Variants in ANOS1 observed in about 807,000 individuals in gnomAD.
ANOS1 encodes the protein anosmin-1.
ANOS1 carries 6 observed loss-of-function variants against 59.0 expected under a neutral mutation model. The observed-to-expected ratio is 0.10, with a 90% CI of 0.06 to 0.20. The LOEUF is 0.20. ANOS1 is among the 10% of genes least tolerant of loss of function. ANOS1 has a pLI of 1.00. For synonymous variants in ANOS1, 217 were observed against 223.4 expected, an observed-to-expected ratio of 0.97 and a Z score of 0.25; for missense variants, 433 against 542.3, an observed-to-expected ratio of 0.80 and a Z score of 2.00.
At chrX:8,666,931 C>A (rs1932151094) in intron 2 of ANOS1, among the ~76,000 whole-genome samples, 1 of 111,912 alleles carries the variant, frequency 8.9e-6, no homozygotes, top group South Asian at 3.7e-4. Flanking sequence ...GAAACTGCCC[C>A]AAACAAATAC....
chrX:8,566,029 C>T, intron 8 of ANOS1: 1 of 754,605 alleles, frequency 1.3e-6, no homozygotes, highest in Non-Finnish European at 1.6e-6. Context: ...GAGTTCTCTG[C>T]CCATGCAATG....
In ANOS1 at chrX:8,587,734, G is replaced by A. The variant is rs1053945433; in HGVS notation, c.726+60C>T. 5.3e-6 allele frequency: 5 copies of A among 950,397 alleles called. No individual in the cohort carries two copies. The Admixed American group carries it at 7.8e-5, about 15-fold the overall frequency. The allele number at this position is 950,397 out of a possible 1,213,427, so 78.3% of individuals were successfully genotyped here. On this transcript the variant is annotated intron_variant, in intron 5 of 13. Transcript: ENST00000262648. ...GGCATAGCAAGTTAATTTTTTGTGC[G>A]TAGCTATGTAGCAGACACTACCTCC...
intron 5 of ANOS1, among the ~76,000 whole-genome samples, chrX:8,586,954 GAA>G (rs745385907): frequency 7.0e-4 from 64 of 91,382 alleles, no homozygotes; most frequent in African/African-American, 2.3e-3. Flanking sequence ...TACATTTACT[GAA>G]AAAAAAAAAA....
chrX:8,541,438 AAAT>A (rs1929687553), intron 9 of ANOS1, among the ~76,000 whole-genome samples: 1 of 99,386 alleles, frequency 1.0e-5, no homozygotes, highest in Non-Finnish European at 2.1e-5. Flanking sequence ...AAAAACAAAA[AAAT>A]AAAACAAAAA....
Position 8,694,848 on chromosome X carries a change from T to C in ANOS1, c.255+4850A>G, listed in dbSNP as rs896959618. On this transcript the variant is annotated intron_variant, in intron 2 of 13. Coordinates refer to ENST00000262648, the MANE Select transcript of ANOS1 (RefSeq NM_000216.4). The stretch of plus-strand genomic sequence containing the variant: ...AAAGGAAATTAAGATAAAAATTGTT[T>C]GCAAAACATATTTAGATAGAATTTT... Among the ~76,000 whole-genome samples, 3 of 112,064 alleles carry C rather than the reference T, an allele frequency of 2.7e-5. No individual in the cohort carries two copies. In the Admixed American group the frequency reaches 2.8e-4, roughly 11 times the overall value.
At chrX:8,613,406 C>T (rs1354984190) in intron 3 of ANOS1, among the ~76,000 whole-genome samples, 1 of 109,097 alleles carries the variant, frequency 9.2e-6, no homozygotes, top group African/African-American at 3.3e-5. Context: ...TTTTATTTTT[C>T]GAGGAGATGG....
chrX:8,599,379 G>A (rs186972058), intron 3 of ANOS1, among the ~76,000 whole-genome samples: 465 of 111,580 alleles, frequency 4.2e-3, no homozygotes, highest in Non-Finnish European at 6.8e-3. Flanking sequence ...GCAGCTCAGT[G>A]CCAGCATGCT....
At chrX:8,650,729 G>T (rs1931837749) in intron 2 of ANOS1, among the ~76,000 whole-genome samples, 1 of 111,649 alleles carries the variant, frequency 9.0e-6, no homozygotes, top group South Asian at 3.8e-4. Context: ...TTCAAAAAAA[G>T]ATACAGGGGC....
At chrX:8,723,454 T>A (rs1471674587) in intron 1 of ANOS1, among the ~76,000 whole-genome samples, 1 of 112,082 alleles carries the variant, frequency 8.9e-6, no homozygotes, top group Non-Finnish European at 1.9e-5. Context: ...AACAAACGTA[T>A]GAAAAACATG....
intron 2 of ANOS1, among the ~76,000 whole-genome samples, chrX:8,647,938 C>T (rs1190327452): frequency 8.9e-6 from 1 of 111,901 alleles, no homozygotes; most frequent in African/African-American, 3.2e-5. Flanking sequence ...ATCAGAACTT[C>T]CCATCTCCAC....
At chrX:8,562,102 G>T (rs780249696) in intron 8 of ANOS1, among the ~76,000 whole-genome samples, 8 of 109,377 alleles carry the variant, frequency 7.3e-5, no homozygotes, top group Admixed American at 5.9e-4. Flanking sequence ...CACCATGGCC[G>T]GCTAATTTTT....
At position 8,698,238 on chromosome X, in the gene ANOS1, C is replaced by T. The variant is rs188390098; in HGVS notation, c.255+1460G>A. ...GTCCCTCATGGCAGCCTTGATTAAT[C>T]ATTTGCAAAATATGGTTTAACCATC... On this transcript the variant is annotated intron_variant, in intron 2 of 13. Transcript: ENST00000262648. Among the ~76,000 whole-genome samples, 155 of 112,185 alleles carry T rather than the reference C, an allele frequency of 1.4e-3. 1 individual carries two copies. Among genetic ancestry groups the T allele is most frequent in the Non-Finnish European group, 2.5e-3 (133 of 53,174 alleles).
chrX:8,687,971 C>A (rs933943178), intron 2 of ANOS1, among the ~76,000 whole-genome samples: 2 of 112,160 alleles, frequency 1.8e-5, no homozygotes, highest in Non-Finnish European at 3.8e-5. Flanking sequence ...CCAAAGTAGA[C>A]TACGCACAAA....
intron 1 of ANOS1, among the ~76,000 whole-genome samples, chrX:8,725,099 A>G (rs1284102539): frequency 8.9e-6 from 1 of 111,908 alleles, no homozygotes; most frequent in East Asian, 2.8e-4. Context: ...GGCACTGCAA[A>G]GAGACATTTT....
chrX:8,726,838 C>G (rs1056218850), intron 1 of ANOS1, among the ~76,000 whole-genome samples: 3 of 112,085 alleles, frequency 2.7e-5, no homozygotes, highest in Non-Finnish European at 5.6e-5. Flanking sequence ...ATCTCAGGCA[C>G]CACCTCCCTC....
chrX:8,694,211 C>T (rs1051976098), intron 2 of ANOS1, among the ~76,000 whole-genome samples: 11 of 111,101 alleles, frequency 9.9e-5, no homozygotes, highest in African/African-American at 3.6e-4. Context: ...TCTATTGGAA[C>T]GAGCAAATGA....
chrX:8,612,573 A>C (rs5978924), intron 3 of ANOS1, among the ~76,000 whole-genome samples: 35,703 of 101,059 alleles, frequency 0.35, 5,433 homozygotes, highest in Middle Eastern at 0.41. Context: ...TTTTTTAAAG[A>C]AGCACTAAAA....
rs761835335 is a variant in ANOS1 at position 8,539,657 on chromosome X, T to C, written c.1449+7A>G. 2.5e-6 allele frequency: 3 copies of C among 1,211,842 alleles called. No homozygotes were observed. The highest frequency in any genetic ancestry group is 3.4e-6 in the Non-Finnish European group (3 of 895,517). On this transcript the variant is annotated splice_region_variant and intron_variant, in intron 10 of 13. Transcript: ENST00000262648. ...AGATCAAGTTGGCCTAGAGATCATG[T>C]CCTTACGTGGGTCATGCCAGATGAT...
intron 2 of ANOS1, among the ~76,000 whole-genome samples, chrX:8,653,326 G>A (rs774544969): frequency 9.0e-6 from 1 of 111,321 alleles, no homozygotes; most frequent in African/African-American, 3.3e-5. Flanking sequence ...TCAACCTGTA[G>A]CTATTGGAAC....
Sources: allele counts gnomAD v4.1 joint callset (sites outside exome capture counted in the v4.1 genomes callset), GRCh38; gene constraint gnomAD v4.1.1; transcripts MANE v1.5; gene names NCBI Gene and HGNC (gene_info 2026-07-23, HGNC 2026-07-21).